PCDHGA4: variants seen among roughly 807,000 people sequenced by gnomAD.
PCDHGA4 encodes protocadherin gamma subfamily A, 4, also known as protocadherin gamma-A4.
In PCDHGA4, 38 loss-of-function variants were observed where a neutral mutation model predicts 54.6. That is an observed-to-expected ratio of 0.70 (90% CI 0.54 to 0.91). The LOEUF (loss-of-function observed/expected upper bound fraction) is 0.91, where lower values mean the gene tolerates loss of function less well. Among genes scored for constraint, PCDHGA4 ranks in the 40% least tolerant of loss-of-function variants. PCDHGA4 has a pLI of 0.00. For missense variants in PCDHGA4, 1,298 were observed against 1,220.9 expected (o/e 1.06, Z -0.94); for synonymous variants, 511 against 512.9 (o/e 1.00, Z 0.05).
chr5:141,485,858 C>A lies in PCDHGA4; in HGVS notation c.2515-8949C>A, dbSNP rs1431906047. 8.1e-6 allele frequency: 13 copies of A among 1,614,162 alleles called. No individual in the cohort carries two copies. The South Asian group carries it at 1.4e-4, about 18-fold the overall frequency. ...GCCGAGATCTGGCACCGCAGAGCTC[C>A]GGGTATCCGTGCTGGACGTAAACGA... On this transcript the variant is annotated intron_variant, in intron 1 of 3. Coordinates refer to ENST00000571252, the MANE Select transcript of PCDHGA4 (RefSeq NM_018917.4). This position sits in a 1 kb window ranked among gnomAD's most constrained non-coding sequence, Gnocchi z 5.7.
intron 1 of PCDHGA4, chr5:141,392,130 A>T (rs770884253): frequency 6.6e-6 from 1 of 152,238 alleles, no homozygotes; most frequent in African/African-American, 2.4e-5. Context: ...TTGTAAAATG[A>T]TTAAGTAGTT....
rs868008554 is a variant in PCDHGA4, at chr5:141,431,417, C to T, written c.2515-63390C>T. 1 of 1,613,666 alleles carries T rather than the reference C, an allele frequency of 6.2e-7. No homozygotes were observed. Among genetic ancestry groups the T allele is most frequent in the South Asian group, 1.1e-5 (1 of 91,082 alleles). ...CCTTACGGCCTCCGACGGGGGCGAC[C>T]CGGTGCGCACAGGCACCGCGCGCAT... On this transcript the variant is annotated intron_variant, in intron 1 of 3. Transcript: ENST00000571252. This position sits in a 1 kb window ranked among gnomAD's most constrained non-coding sequence, Gnocchi z 4.8.
intron 1 of PCDHGA4, chr5:141,421,294 A>G (rs779984795): frequency 1.9e-6 from 3 of 1,613,304 alleles, no homozygotes; most frequent in Non-Finnish European, 2.5e-6. Context: ...TTTCCTGGGG[A>G]CGCTGCGGGG....
At chr5:141,419,724 G>T in intron 1 of PCDHGA4, 1 of 1,613,488 alleles carries the variant, frequency 6.2e-7, no homozygotes, top group Non-Finnish European at 8.5e-7. Flanking sequence ...CTGGGGCTGC[G>T]AACAGGCGAG....
At chr5:141,454,316 A>G (rs887472165) in intron 1 of PCDHGA4, among the ~76,000 whole-genome samples, 4 of 152,188 alleles carry the variant, frequency 2.6e-5, no homozygotes, top group Non-Finnish European at 4.4e-5. Context: ...AAGCATTGAA[A>G]CCTCCAAGAA....
chr5:141,486,148 G>A lies in PCDHGA4; in HGVS notation c.2515-8659G>A. On this transcript the variant is annotated intron_variant, in intron 1 of 3. Coordinates refer to ENST00000571252, the MANE Select transcript of PCDHGA4 (RefSeq NM_018917.4). This position sits in a 1 kb window ranked among gnomAD's most constrained non-coding sequence, Gnocchi z 5.0. ...AATTTGATGTGCGGGCTCGCGATGG[G>A]GGTTCTCCAGCCATGGAGCAACATT... 2 of 1,614,164 alleles carry A rather than the reference G, an allele frequency of 1.2e-6. No homozygotes were observed. The highest frequency in any genetic ancestry group is 1.7e-6 in the Non-Finnish European group (2 of 1,180,026).
chr5:141,363,028 C>A (rs1346880305), intron 1 of PCDHGA4, among the ~76,000 whole-genome samples: 1 of 152,190 alleles, frequency 6.6e-6, no homozygotes, highest in African/African-American at 2.4e-5. Flanking sequence ...GGACATTGTC[C>A]CATTGACTTG....
rs192631651 is a variant in PCDHGA4 at position 141,432,052 on chromosome 5, C to T, written c.2515-62755C>T. On this transcript the variant is annotated intron_variant, in intron 1 of 3. Transcript: ENST00000571252. This position sits in a 1 kb window ranked among gnomAD's most constrained non-coding sequence, Gnocchi z 6.0. ...CCGCCACTGACCGGGGAACCCCGCC[C>T]CTATCCACGGAAACTCATATCTCGC... is the stretch of plus-strand genomic sequence containing the variant. The T allele has an allele frequency of 1.2e-6, 2 of 1,614,108 alleles. No individual in the cohort carries two copies. The highest frequency in any genetic ancestry group is 1.3e-5 in the African/African-American group (1 of 74,930).
chr5:141,372,498 C>T, intron 1 of PCDHGA4: 1 of 1,614,054 alleles, frequency 6.2e-7, no homozygotes, highest in Non-Finnish European at 8.5e-7. Flanking sequence ...GATCTCAGTG[C>T]TCTTCCTCCT....
At chr5:141,442,682 T>C (rs1591733469) in intron 1 of PCDHGA4, among the ~76,000 whole-genome samples, 1 of 152,218 alleles carries the variant, frequency 6.6e-6, no homozygotes, top group East Asian at 1.9e-4. Context: ...TGAGGGACAG[T>C]AGTCAGGCAG....
At chr5:141,369,815 G>A (rs1204825120) in intron 1 of PCDHGA4, among the ~76,000 whole-genome samples, 2 of 152,150 alleles carry the variant, frequency 1.3e-5, no homozygotes, top group South Asian at 2.1e-4. Flanking sequence ...ACCAAAAATA[G>A]CTTCCATTTG....
intron 1 of PCDHGA4, among the ~76,000 whole-genome samples, chr5:141,380,091 G>T (rs538586012): frequency 6.6e-6 from 1 of 151,576 alleles, no homozygotes; most frequent in African/African-American, 2.4e-5. Flanking sequence ...GTAGAGATGG[G>T]GTTTTACCAT....
At chr5:141,444,918 C>T (rs1197922745) in intron 1 of PCDHGA4, among the ~76,000 whole-genome samples, 1 of 152,106 alleles carries the variant, frequency 6.6e-6, no homozygotes, top group Non-Finnish European at 1.5e-5. Flanking sequence ...ATACCTTTAT[C>T]AGGGAAAGAG....
chr5:141,410,549 G>T, intron 1 of PCDHGA4: 1 of 1,613,438 alleles, frequency 6.2e-7, no homozygotes, highest in East Asian at 2.2e-5. Context: ...GGTTTGCAGT[G>T]TTTCTCCTGG....
At chr5:141,428,146 C>T (rs549173211) in intron 1 of PCDHGA4, 15 of 1,589,346 alleles carry the variant, frequency 9.4e-6, no homozygotes, top group East Asian at 2.2e-5. Context: ...GGGCTGCACA[C>T]GGGAACCTGC....
intron 1 of PCDHGA4, among the ~76,000 whole-genome samples, chr5:141,373,124 C>T (rs933714666): frequency 6.6e-6 from 1 of 152,188 alleles, no homozygotes; most frequent in African/African-American, 2.4e-5. Flanking sequence ...GAATTAGACC[C>T]AAATCCTCAC....
At position 141,356,647 on chromosome 5, in the gene PCDHGA4, G is replaced by T; in HGVS notation, c.1540G>T (p.Asp514Tyr). ...GACTGCTCAAGACCCTGACAGTGGT[G>T]ACAATGCCCGAATCACTTACTCCCT... ...SMTAQDPDSG[D>Y]NARITYSLAE... is the part of the protein sequence containing the mutation. The change falls in exon 1 of 4, where the codon GAC becomes TAC. Residue 514 changes from aspartate (D) to tyrosine (Y), a missense_variant. Coordinates refer to ENST00000571252, the MANE Select transcript of PCDHGA4 (RefSeq NM_018917.4). 1.9e-6 allele frequency: 3 copies of T among 1,614,084 alleles called. No individual in the cohort carries two copies. Among genetic ancestry groups the T allele is most frequent in the Non-Finnish European group, 2.5e-6 (3 of 1,179,964 alleles).
At position 141,477,137 on chromosome 5, in the gene PCDHGA4, G is replaced by A; in HGVS notation, c.2515-17670G>A. 1 of 1,614,200 alleles carries A rather than the reference G, an allele frequency of 6.2e-7. No individual in the cohort carries two copies. The highest frequency in any genetic ancestry group is 8.5e-7 in the Non-Finnish European group (1 of 1,180,050). On this transcript the variant is annotated intron_variant, in intron 1 of 3. Coordinates refer to ENST00000571252, the MANE Select transcript of PCDHGA4 (RefSeq NM_018917.4). The surrounding 1 kb of genome is among the most constrained non-coding windows in gnomAD (Gnocchi z 4.9). ...AGGAGCACATTGCAAAGTGTTGGTG[G>A]AGGTTGTGGATGTGAATGACAACGC...
chr5:141,366,516 GCA>G (rs1377618630), intron 1 of PCDHGA4: 10 of 1,614,156 alleles, frequency 6.2e-6, no homozygotes, highest in East Asian at 4.5e-5. Context: ...CAGGCTGAAG[GCA>G]GCAGGTTGGC....
Sources: gnomAD v4.1 joint callset for allele counts (sites outside exome capture counted in the v4.1 genomes callset) on GRCh38, gnomAD v4.1.1 for gene constraint, Gnocchi (gnomAD v3.1) non-coding constraint, MANE v1.5 for transcripts, NCBI Gene and HGNC (gene_info 2026-07-23, HGNC 2026-07-21) for gene names.